Variants in C8orf34 observed in about 807,000 individuals in gnomAD.
C8orf34 encodes chromosome 8 open reading frame 34.
Under a neutral mutation model 68.3 loss-of-function variants are expected in C8orf34, and 65 were observed. The ratio of observed to expected loss-of-function variants is 0.95; its 90% CI spans 0.78 to 1.17. The LOEUF is 1.17. Ranked by LOEUF, C8orf34 falls within the 50% of genes most tolerant of loss-of-function variation. The probability of loss-of-function intolerance (pLI) is 0.00; values close to 1 mark genes in which losing one functional copy is unlikely to be tolerated. For synonymous variants in C8orf34, 244 were observed against 241.2 expected, an observed-to-expected ratio of 1.01 and a Z score of -0.11; for missense variants, 664 against 655.4, an observed-to-expected ratio of 1.01 and a Z score of -0.14.
intron 7 of C8orf34, among the ~76,000 whole-genome samples, chr8:68,573,330 A>G (rs1282714333): frequency 6.6e-6 from 1 of 152,070 alleles, no homozygotes; most frequent in African/African-American, 2.4e-5. Flanking sequence ...CCATGTTTCT[A>G]CTTCTCTTGT....
At chr8:68,351,273 G>A (rs1806501767) in intron 1 of C8orf34, among the ~76,000 whole-genome samples, 2 of 152,038 alleles carry the variant, frequency 1.3e-5, no homozygotes, top group African/African-American at 2.4e-5. Context: ...CTTTAAGAAT[G>A]TTGAATATAG....
chr8:68,476,456 A>G (rs763891152), intron 4 of C8orf34, among the ~76,000 whole-genome samples: 1 of 152,198 alleles, frequency 6.6e-6, no homozygotes, highest in Non-Finnish European at 1.5e-5. Context: ...GTAAGGATGT[A>G]TTTCAAAGAA....
At chr8:68,346,215 G>A (rs1273416861) in intron 1 of C8orf34, among the ~76,000 whole-genome samples, 1 of 151,062 alleles carries the variant, frequency 6.6e-6, no homozygotes, top group African/African-American at 2.4e-5. Context: ...GAGACTTTCT[G>A]AGAATCCCAA....
intron 1 of C8orf34, among the ~76,000 whole-genome samples, chr8:68,392,778 A>G (rs578185210): frequency 6.6e-6 from 1 of 152,244 alleles, no homozygotes; most frequent in East Asian, 1.9e-4. Context: ...GGTAGGGACT[A>G]GAGTCCTATT....
intron 6 of C8orf34, among the ~76,000 whole-genome samples, chr8:68,531,938 G>A (rs1324068891): frequency 6.6e-6 from 1 of 151,986 alleles, no homozygotes; most frequent in Non-Finnish European, 1.5e-5. Flanking sequence ...GCCCATGTAG[G>A]TTATTTCTTC....
chr8:68,774,331 G>GTATATATATATATATATATATATATATA (rs550713780), intron 10 of C8orf34, among the ~76,000 whole-genome samples: 5 of 108,938 alleles, frequency 4.6e-5, no homozygotes, highest in African/African-American at 1.8e-4. Context: ...GGGTGTGTGT[G>GTATATATATATATATATATATATATATA]TATATATATA....
chr8:68,697,183 C>T (rs1447973001), intron 8 of C8orf34, among the ~76,000 whole-genome samples: 1 of 151,808 alleles, frequency 6.6e-6, no homozygotes, highest in Non-Finnish European at 1.5e-5. Context: ...ATTTTTGGTA[C>T]TTTAATATTT....
At chr8:68,662,777 T>C (rs1277985691) in intron 8 of C8orf34, among the ~76,000 whole-genome samples, 1 of 152,182 alleles carries the variant, frequency 6.6e-6, no homozygotes, top group Non-Finnish European at 1.5e-5. Flanking sequence ...TTTTTCACTT[T>C]TGGGTAGAAA....
intron 4 of C8orf34, among the ~76,000 whole-genome samples, chr8:68,474,953 C>G (rs1380523157): frequency 6.6e-6 from 1 of 152,188 alleles, no homozygotes; most frequent in African/African-American, 2.4e-5. Flanking sequence ...TGTAGTGGCT[C>G]TAAAGTGAAA....
At chr8:68,683,355 A>C (rs1027886604) in intron 8 of C8orf34, among the ~76,000 whole-genome samples, 1 of 151,482 alleles carries the variant, frequency 6.6e-6, no homozygotes, top group African/African-American at 2.4e-5. Flanking sequence ...AGCCTATACT[A>C]GATGGTGAGG....
At chr8:68,486,508 T>C (rs192198720) in intron 4 of C8orf34, among the ~76,000 whole-genome samples, 3 of 152,204 alleles carry the variant, frequency 2.0e-5, no homozygotes, top group Non-Finnish European at 2.9e-5. Context: ...TTTTATAAAA[T>C]ATTGAAGAAT....
intron 7 of C8orf34, among the ~76,000 whole-genome samples, chr8:68,559,694 A>T (rs1816362041): frequency 6.6e-6 from 1 of 152,216 alleles, no homozygotes; most frequent in Admixed American, 6.5e-5. Flanking sequence ...TCAGCCTAAA[A>T]AATTAAATCT....
intron 9 of C8orf34, among the ~76,000 whole-genome samples, chr8:68,720,924 A>G (rs951058401): frequency 4.6e-5 from 7 of 151,946 alleles, no homozygotes; most frequent in African/African-American, 1.7e-4. Flanking sequence ...AACTTTTTTC[A>G]GAATGTTCCA....
intron 10 of C8orf34, among the ~76,000 whole-genome samples, chr8:68,740,470 T>TA (rs1158121727): frequency 1.3e-5 from 2 of 151,814 alleles, no homozygotes; most frequent in African/African-American, 4.8e-5. Flanking sequence ...ATGCAGCCAA[T>TA]AAGCATACGA....
intron 7 of C8orf34, among the ~76,000 whole-genome samples, chr8:68,581,116 T>C (rs1199205310): frequency 2.0e-5 from 3 of 152,168 alleles, no homozygotes; most frequent in African/African-American, 7.2e-5. Context: ...ATAAGTGTTA[T>C]GGGACACGAG....
intron 4 of C8orf34, among the ~76,000 whole-genome samples, chr8:68,469,319 G>A (rs892291839): frequency 6.6e-6 from 1 of 151,734 alleles, no homozygotes; most frequent in Non-Finnish European, 1.5e-5. Context: ...GAGGGCCTAG[G>A]TTATGGTTTT....
intron 7 of C8orf34, among the ~76,000 whole-genome samples, chr8:68,624,923 T>TG (rs1818495058): frequency 6.7e-6 from 1 of 149,088 alleles, no homozygotes; most frequent in African/African-American, 2.5e-5. Context: ...TTTTTTTTTT[T>TG]GTGTAGCTGG....
At chr8:68,331,639 T>A (rs1279790612) in intron 1 of C8orf34, 2 of 456,780 alleles carry the variant, frequency 4.4e-6, no homozygotes, top group African/African-American at 3.9e-5. Context: ...CAGCTACATG[T>A]TCAGGACCCG....
At chr8:68,437,631 G>A (rs1810719249) in intron 1 of C8orf34, among the ~76,000 whole-genome samples, 1 of 151,972 alleles carries the variant, frequency 6.6e-6, no homozygotes, top group Non-Finnish European at 1.5e-5. Flanking sequence ...AGTAGCAGAT[G>A]GCCTTTTTTA....
Sources: allele counts gnomAD v4.1 joint callset (sites outside exome capture counted in the v4.1 genomes callset), GRCh38; gene constraint gnomAD v4.1.1; transcripts MANE v1.5; gene names NCBI Gene and HGNC (gene_info 2026-07-23, HGNC 2026-07-21).